STK3: variants seen among roughly 807,000 people sequenced by gnomAD.
STK3 encodes the protein serine/threonine-protein kinase 3.
A neutral mutation model predicts 58.0 loss-of-function variants in STK3; 41 were observed. That is an observed-to-expected ratio of 0.71 (90% CI 0.55 to 0.92). The LOEUF is 0.92. Ranked by LOEUF, STK3 falls within the 40% of genes least tolerant of loss-of-function variation. STK3 has a pLI of 0.00. For synonymous variants in STK3, 170 were observed against 191.0 expected (o/e 0.89, Z 0.91); for missense variants, 479 against 602.7 (o/e 0.79, Z 2.15).
chr8:98,700,596 A>C (rs1382297056), intron 6 of STK3, among the ~76,000 whole-genome samples: 1 of 152,234 alleles, frequency 6.6e-6, no homozygotes, highest in African/African-American at 2.4e-5. Context: ...CAGAAAGTTG[A>C]CAAGTGCCTC....
intron 4 of STK3, among the ~76,000 whole-genome samples, chr8:98,710,668 C>G (rs994541181): frequency 6.6e-6 from 1 of 152,234 alleles, no homozygotes; most frequent in African/African-American, 2.4e-5. Context: ...TGCAGCCCAC[C>G]ACAGCTCAAG....
At chr8:98,743,135 C>G (rs962020050) in intron 4 of STK3, among the ~76,000 whole-genome samples, 1 of 151,650 alleles carries the variant, frequency 6.6e-6, no homozygotes, top group Admixed American at 6.6e-5. Flanking sequence ...GAATCAATAT[C>G]GTGAAAATGG....
chr8:98,385,948 C>A (rs907103962), intron 1 of STK3, among the ~76,000 whole-genome samples: 2 of 152,072 alleles, frequency 1.3e-5, no homozygotes, highest in African/African-American at 4.8e-5. Context: ...TGAACAGTTG[C>A]AATGAGCCAA....
At chr8:98,532,327 A>C (rs1430438502) in intron 9 of STK3, among the ~76,000 whole-genome samples, 1 of 152,150 alleles carries the variant, frequency 6.6e-6, no homozygotes, top group Non-Finnish European at 1.5e-5. Flanking sequence ...AGAGAGACAG[A>C]GACAAGGTAA....
chr8:98,564,552 G>C (rs1360377881), intron 8 of STK3, among the ~76,000 whole-genome samples: 1 of 152,064 alleles, frequency 6.6e-6, no homozygotes, highest in East Asian at 1.9e-4. Context: ...ATAAGTTCTG[G>C]TGTTCTGTTG....
At position 98,455,598 on chromosome 8, in the gene STK3, G is replaced by T; in HGVS notation, c.*244C>A. On this transcript the variant is annotated 3_prime_UTR_variant, in exon 11 of 11. Coordinates refer to ENST00000419617, the MANE Select transcript of STK3 (RefSeq NM_006281.4). ...TCCATTTCATAACAGTTTTATTACTGGTATGCAGCTGACAGAACAAGAGAA... is the reference window on the plus strand; with the variant it reads ...TCCATTTCATAACAGTTTTATTACTTGTATGCAGCTGACAGAACAAGAGAA... 1 of 510,134 alleles carries T rather than the reference G, an allele frequency of 2.0e-6. No homozygotes were observed. Among genetic ancestry groups the T allele is most frequent in the Non-Finnish European group, 3.5e-6 (1 of 287,608 alleles). 31.6% of individuals were successfully genotyped at this position (510,134 alleles called of 1,614,324 possible). A position where few individuals can be genotyped will look rare whatever the true frequency, so the allele number is the denominator to read the frequency against.
At chr8:98,620,713 T>C (rs1363736853) in intron 6 of STK3, among the ~76,000 whole-genome samples, 2 of 151,542 alleles carry the variant, frequency 1.3e-5, no homozygotes, top group East Asian at 3.9e-4. Context: ...ATTTAAAATA[T>C]GAAAAAAGTT....
At chr8:98,518,587 A>T (rs910888892) in intron 10 of STK3, among the ~76,000 whole-genome samples, 6 of 152,170 alleles carry the variant, frequency 3.9e-5, no homozygotes, top group African/African-American at 9.6e-5. Context: ...TCTTTGAAGC[A>T]GGTCACTTTC....
chr8:98,695,487 G>A (rs560392357), intron 6 of STK3, among the ~76,000 whole-genome samples: 6 of 152,224 alleles, frequency 3.9e-5, no homozygotes, highest in African/African-American at 1.2e-4. Context: ...TAGGTCTAAC[G>A]TTTAAGTCTT....
chr8:98,428,574 G>C lies in STK3; in HGVS notation n.483+5553C>G. 1 of 1,614,140 alleles carries C rather than the reference G, an allele frequency of 6.2e-7. No homozygotes were observed. The highest frequency in any genetic ancestry group is 8.5e-7 in the Non-Finnish European group (1 of 1,180,022). ...CATCCTGTCCATCCTGGTGGTGATG[G>C]GGTCCATCATCACCATGTGCCTCAA... On this transcript the variant is annotated intron_variant and non_coding_transcript_variant, in intron 3 of 3. Coordinates refer to the STK3 transcript ENST00000517832. This position sits in a 1 kb window ranked among gnomAD's most constrained non-coding sequence, Gnocchi z 6.7.
chr8:98,870,507 G>T (rs571226867), intron 3 of STK3, among the ~76,000 whole-genome samples: 1 of 152,298 alleles, frequency 6.6e-6, no homozygotes, highest in South Asian at 2.1e-4. Context: ...AGCACCTGTT[G>T]TTTCCTGACT....
At chr8:98,377,293 C>T (rs534624899) in intron 2 of STK3, among the ~76,000 whole-genome samples, 1 of 152,178 alleles carries the variant, frequency 6.6e-6, no homozygotes, top group Admixed American at 6.5e-5. Flanking sequence ...AATTCTTTTT[C>T]CCCTTGATTT....
chr8:98,801,382 C>T (rs918528375), intron 1 of STK3, among the ~76,000 whole-genome samples: 1 of 152,074 alleles, frequency 6.6e-6, no homozygotes, highest in East Asian at 1.9e-4. Context: ...CGCTCGGTCC[C>T]CTTCCACACT....
intron 10 of STK3, among the ~76,000 whole-genome samples, chr8:98,473,278 T>A (rs1821061170): frequency 1.3e-5 from 2 of 152,176 alleles, no homozygotes; most frequent in South Asian, 4.1e-4. Flanking sequence ...CTGCCTCCGA[T>A]TACAGGCTGG....
At chr8:98,531,968 G>A (rs1027244161) in intron 9 of STK3, among the ~76,000 whole-genome samples, 1 of 152,208 alleles carries the variant, frequency 6.6e-6, no homozygotes, top group African/African-American at 2.4e-5. Context: ...GAAATGTTGT[G>A]ACTGGTTTAA....
At chr8:98,620,925 ATTTTTTTT>A (rs534225654) in intron 6 of STK3, among the ~76,000 whole-genome samples, 1 of 130,254 alleles carries the variant, frequency 7.7e-6, no homozygotes, top group Non-Finnish European at 1.6e-5. Flanking sequence ...AAAACAACTG[ATTTTTTTT>A]TTTTTTTTTT....
chr8:98,844,457 TTG>T (rs1188765987), intron 3 of STK3, among the ~76,000 whole-genome samples: 4 of 149,206 alleles, frequency 2.7e-5, no homozygotes, highest in Non-Finnish European at 4.5e-5. Context: ...CAGCTTGGTT[TTG>T]TGTGTGTGTG....
chr8:98,739,215 T>C (rs1171644142), intron 4 of STK3, among the ~76,000 whole-genome samples: 1 of 152,230 alleles, frequency 6.6e-6, no homozygotes, highest in Non-Finnish European at 1.5e-5. Context: ...TAAATGTCCC[T>C]GTCTGAACAG....
chr8:98,434,357 T>C (rs16896994), intron 2 of STK3: 19,238 of 152,230 alleles, frequency 0.13, 1,307 homozygotes, highest in Non-Finnish European at 0.16. Context: ...GGGGGTATTT[T>C]AGGGCCAGGA....
Sources: gnomAD v4.1 joint callset for allele counts (sites outside exome capture counted in the v4.1 genomes callset) on GRCh38, gnomAD v4.1.1 for gene constraint, Gnocchi (gnomAD v3.1) non-coding constraint, MANE v1.5 for transcripts, NCBI Gene and HGNC (gene_info 2026-07-23, HGNC 2026-07-21) for gene names.